Variants in CELF2 observed in about 807,000 individuals in gnomAD.
CELF2 encodes the protein CUG triplet repeat RNA-binding protein 2.
Under a neutral mutation model 62.6 loss-of-function variants are expected in CELF2, and 8 were observed. That is an observed-to-expected ratio of 0.13 (90% CI 0.07 to 0.23). The LOEUF (loss-of-function observed/expected upper bound fraction) is 0.23. Ranked by LOEUF, CELF2 falls within the 10% of genes least tolerant of loss-of-function variation. The probability of loss-of-function intolerance (pLI) is 1.00; values close to 1 mark genes in which losing one functional copy is unlikely to be tolerated. For synonymous variants in CELF2, 258 were observed against 250.0 expected (o/e 1.03, Z -0.30); for missense variants, 333 against 671.0 (o/e 0.50, Z 5.56).
intron 9 of CELF2, among the ~76,000 whole-genome samples, chr10:11,304,044 C>T (rs1443571050): frequency 6.6e-6 from 1 of 152,200 alleles, no homozygotes; most frequent in Non-Finnish European, 1.5e-5. Context: ...TTTCCTGTTG[C>T]TGAGATGACA....
chr10:10,760,147 A>T, the CELF2 span, among the ~76,000 whole-genome samples: 1 of 152,086 alleles, frequency 6.6e-6, no homozygotes, highest in East Asian at 1.9e-4. Flanking sequence ...CAGGTGATCC[A>T]CCCACCTCAG....
At chr10:10,920,144 C>A (rs1256247559) in intron 2 of CELF2, 4 of 448,752 alleles carry the variant, frequency 8.9e-6, no homozygotes, top group African/African-American at 4.0e-5. Flanking sequence ...ATGTAAATGC[C>A]AAAAATTATG....
chr10:10,988,289 A>G (rs895984711), intron 2 of CELF2, among the ~76,000 whole-genome samples: 1 of 150,100 alleles, frequency 6.7e-6, no homozygotes, highest in African/African-American at 2.5e-5. Flanking sequence ...ATATATATAT[A>G]TATATAGAGA....
At chr10:10,604,215 A>G in the CELF2 span, among the ~76,000 whole-genome samples, 1 of 152,214 alleles carries the variant, frequency 6.6e-6, no homozygotes, top group Non-Finnish European at 1.5e-5. Context: ...CTCAGACACA[A>G]ACAAAAAAAG....
chr10:11,036,235 C>T (rs976358657), intron 1 of CELF2, among the ~76,000 whole-genome samples: 4 of 152,170 alleles, frequency 2.6e-5, no homozygotes, highest in African/African-American at 7.2e-5. Flanking sequence ...TATAGACAAA[C>T]CTTGTTCCTA....
chr10:10,611,777 G>A, the CELF2 span, among the ~76,000 whole-genome samples: 1 of 152,102 alleles, frequency 6.6e-6, no homozygotes, highest in Non-Finnish European at 1.5e-5. Flanking sequence ...GATAGATACA[G>A]GTATAGATAT....
At chr10:10,546,569 A>G in the CELF2 span, among the ~76,000 whole-genome samples, 1 of 151,958 alleles carries the variant, frequency 6.6e-6, no homozygotes, top group South Asian at 2.1e-4. Flanking sequence ...GGCCACCTCT[A>G]CTCTGCATGG....
chr10:10,580,148 A>C, the CELF2 span, among the ~76,000 whole-genome samples: 1 of 152,190 alleles, frequency 6.6e-6, no homozygotes, highest in East Asian at 1.9e-4. Flanking sequence ...TGAACACTAA[A>C]ATGAGACCAT....
the CELF2 span, among the ~76,000 whole-genome samples, chr10:10,471,434 C>A: frequency 6.6e-6 from 1 of 151,698 alleles, no homozygotes; most frequent in South Asian, 2.1e-4. Context: ...GGTGTGTATA[C>A]ATTTATAATT....
chr10:10,590,899 C>A, the CELF2 span, among the ~76,000 whole-genome samples: 2 of 152,152 alleles, frequency 1.3e-5, no homozygotes, highest in South Asian at 4.1e-4. Context: ...TCCTCCAGGG[C>A]AAAATGCATG....
the CELF2 span, among the ~76,000 whole-genome samples, chr10:10,651,865 G>T: frequency 6.6e-6 from 1 of 150,830 alleles, no homozygotes; most frequent in African/African-American, 2.4e-5. Flanking sequence ...GAACAAAGCT[G>T]GATGGAGAAT....
intron 1 of CELF2, among the ~76,000 whole-genome samples, chr10:11,135,568 T>C (rs1463973876): frequency 1.3e-5 from 2 of 152,244 alleles, no homozygotes; most frequent in Admixed American, 6.5e-5. Context: ...CTTGCCTTTC[T>C]GTGAAATACT....
At chr10:10,630,289 T>G in the CELF2 span, among the ~76,000 whole-genome samples, 1 of 152,196 alleles carries the variant, frequency 6.6e-6, no homozygotes, top group African/African-American at 2.4e-5. Context: ...AATTCAGAGT[T>G]GGCAACTGTG....
chr10:11,107,748 TTC>T (rs1405275078), intron 1 of CELF2, among the ~76,000 whole-genome samples: 1 of 151,064 alleles, frequency 6.6e-6, no homozygotes, highest in Non-Finnish European at 1.5e-5. Flanking sequence ...CCTGGATCCT[TTC>T]TCTCATTCCC....
chr10:10,948,441 T>C (rs528502399), intron 2 of CELF2: 7 of 152,346 alleles, frequency 4.6e-5, no homozygotes, highest in Non-Finnish European at 8.8e-5. Context: ...ATTTGGGGGC[T>C]GCTGTCAAAG....
the CELF2 span, among the ~76,000 whole-genome samples, chr10:10,688,153 T>A: frequency 1.3e-5 from 2 of 152,238 alleles, no homozygotes; most frequent in South Asian, 4.1e-4. Flanking sequence ...TTACCTGCAT[T>A]TCTTTCATTT....
At chr10:10,569,646 AAG>A in the CELF2 span, among the ~76,000 whole-genome samples, 1 of 152,180 alleles carries the variant, frequency 6.6e-6, no homozygotes, top group Non-Finnish European at 1.5e-5. Context: ...ATACATTTTA[AAG>A]AGAGAGGAAT....
At position 11,315,315 on chromosome 10, in the gene CELF2, A is replaced by G. The variant is rs555628630; in HGVS notation, c.1096+1057A>G. ...AGCCCAGGCACCCCGGCACCTGCCC[A>G]TTCTCATTTTTAATAAAGGAGTCCG... On this transcript the variant is annotated intron_variant, in intron 10 of 12. Transcript: ENST00000633077. This position sits in a 1 kb window ranked among gnomAD's most constrained non-coding sequence, Gnocchi z 5.8. Among the ~76,000 whole-genome samples, 1 of 152,272 alleles carries G rather than the reference A, an allele frequency of 6.6e-6. No homozygotes were observed. Among genetic ancestry groups the G allele is most frequent in the African/African-American group, 2.4e-5 (1 of 41,552 alleles).
the CELF2 span, among the ~76,000 whole-genome samples, chr10:10,589,586 C>A: frequency 2.6e-5 from 4 of 152,108 alleles, no homozygotes; most frequent in African/African-American, 9.7e-5. Flanking sequence ...GCTGTTAACC[C>A]CATTTGAGAG....
Sources: gnomAD v4.1 joint callset for allele counts (sites outside exome capture counted in the v4.1 genomes callset) on GRCh38, gnomAD v4.1.1 for gene constraint, Gnocchi (gnomAD v3.1) non-coding constraint, MANE v1.5 for transcripts, NCBI Gene and HGNC (gene_info 2026-07-23, HGNC 2026-07-21) for gene names.